GLTP: variants seen among roughly 807,000 people sequenced by gnomAD.
GLTP encodes glycolipid transfer protein.
In GLTP, 22 loss-of-function variants were observed where a neutral mutation model predicts 24.0. That is an observed-to-expected ratio of 0.92 (90% CI 0.65 to 1.31). GLTP has a LOEUF of 1.31. GLTP is among the 50% of genes most tolerant of loss of function. GLTP has a pLI of 0.00. For missense variants in GLTP, 224 were observed against 276.6 expected, an observed-to-expected ratio of 0.81 and a Z score of 1.35; for synonymous variants, 92 against 115.9, an observed-to-expected ratio of 0.79 and a Z score of 1.33.
intron 1 of GLTP, among the ~76,000 whole-genome samples, chr12:109,860,711 G>A (rs1340460799): frequency 6.6e-6 from 1 of 152,110 alleles, no homozygotes; most frequent in Non-Finnish European, 1.5e-5. Flanking sequence ...CATATAATAG[G>A]TAACACCTTG....
At chr12:109,859,009 A>C (rs958264941) in intron 1 of GLTP, among the ~76,000 whole-genome samples, 1 of 152,192 alleles carries the variant, frequency 6.6e-6, no homozygotes, top group Admixed American at 6.5e-5. Flanking sequence ...TCCAATCCTA[A>C]GACACACATT....
chr12:109,877,511 G>A (rs1868925317), intron 1 of GLTP, among the ~76,000 whole-genome samples: 1 of 152,146 alleles, frequency 6.6e-6, no homozygotes, highest in Non-Finnish European at 1.5e-5. Flanking sequence ...TGGGGAGGGG[G>A]TGCTACTGGC....
chr12:109,854,116 G>A (rs1892762778), intron 4 of GLTP, among the ~76,000 whole-genome samples: 1 of 151,796 alleles, frequency 6.6e-6, no homozygotes, highest in South Asian at 2.1e-4. Context: ...CCAGCACTTT[G>A]GGAGGCCGAG....
At chr12:109,865,518 C>G (rs1188807543) in intron 1 of GLTP, among the ~76,000 whole-genome samples, 1 of 151,722 alleles carries the variant, frequency 6.6e-6, no homozygotes, top group Non-Finnish European at 1.5e-5. Context: ...ATCCCAGCTA[C>G]TTGGGAGGGT....
chr12:109,854,231 G>A (rs938930020), intron 4 of GLTP, among the ~76,000 whole-genome samples: 1 of 151,540 alleles, frequency 6.6e-6, no homozygotes, highest in Non-Finnish European at 1.5e-5. Context: ...TTGGTGGCTC[G>A]CACCTGTAGT....
chr12:109,867,503 A>G (rs1689752299), intron 1 of GLTP, among the ~76,000 whole-genome samples: 1 of 152,164 alleles, frequency 6.6e-6, no homozygotes, highest in South Asian at 2.1e-4. Flanking sequence ...AATCTCCTGC[A>G]AAGAGAAGGT....
chr12:109,873,633 C>CAA lies in GLTP; in HGVS notation c.103+6637_103+6638dup, dbSNP rs774803716. Among the ~76,000 whole-genome samples the CAA allele has an allele frequency of 6.4e-3, 333 of 52,366 alleles. 2 individuals carry two copies. Among genetic ancestry groups the CAA allele is most frequent in the African/African-American group, 0.011 (179 of 16,256 alleles). The allele number at this position is 52,366 out of a possible 152,430, so 34.4% of individuals were successfully genotyped here. Reference sequence around the variant, plus strand: ...TGGGCAATAGAGCAAGACTCTGTCTCAAAAAAAAAAAAAAAAAAAAAAAGC... The same window carrying CAA: ...TGGGCAATAGAGCAAGACTCTGTCTCAAAAAAAAAAAAAAAAAAAAAAAAAGC... On this transcript the variant is annotated intron_variant, in intron 1 of 4. Transcript: ENST00000318348.
intron 1 of GLTP, among the ~76,000 whole-genome samples, chr12:109,866,712 G>C (rs774395012): frequency 6.6e-6 from 1 of 151,868 alleles, no homozygotes; most frequent in Non-Finnish European, 1.5e-5. Context: ...AATGACTCTG[G>C]ATGGTGTGCC....
rs1469421757 is a variant in GLTP, at chr12:109,866,183, A to T, written c.104-7442T>A. On this transcript the variant is annotated intron_variant, in intron 1 of 4. Coordinates refer to ENST00000318348, the MANE Select transcript of GLTP (RefSeq NM_016433.4). ...GCTTAATCTCAATAATAACAAAAAA[A>T]AAGTGAAATATTTTCCATCTACCAT... is the stretch of plus-strand genomic sequence containing the variant. 3 of 152,214 alleles carry T rather than the reference A, an allele frequency of 2.0e-5. No homozygotes were observed. In the East Asian group the frequency reaches 5.8e-4, roughly 29 times the overall value. The allele number at this position is 152,214 out of a possible 1,614,324, so 9.4% of individuals were successfully genotyped here.
Position 109,855,873 on chromosome 12 carries a change from G to A in GLTP, c.297-104C>T, listed in dbSNP as rs3782893. 1 of 889,546 alleles carries A rather than the reference G, an allele frequency of 1.1e-6. No homozygotes were observed. Among genetic ancestry groups the A allele is most frequent in the Non-Finnish European group, 1.7e-6 (1 of 603,774 alleles). 55.1% of individuals were successfully genotyped at this position (889,546 alleles called of 1,614,324 possible). On this transcript the variant is annotated intron_variant, in intron 3 of 4. Coordinates refer to ENST00000318348, the MANE Select transcript of GLTP (RefSeq NM_016433.4). This position sits in a 1 kb window ranked among gnomAD's most constrained non-coding sequence, Gnocchi z 4.1. ...CCACCTACTGTGAGCCAGGAACATG[G>A]GCGCCCCAGAGGGAGTGGTTATTCC...
In GLTP at chr12:109,880,160, G is replaced by C; in HGVS notation, c.103+112C>G. The C allele has an allele frequency of 1.6e-6, 1 of 620,966 alleles. No homozygotes were observed. Among genetic ancestry groups the C allele is most frequent in the South Asian group, 1.7e-5 (1 of 59,354 alleles). The allele number at this position is 620,966 out of a possible 1,614,324, so 38.5% of individuals were successfully genotyped here. On this transcript the variant is annotated intron_variant, in intron 1 of 4. Coordinates refer to ENST00000318348, the MANE Select transcript of GLTP (RefSeq NM_016433.4). This position sits in a 1 kb window ranked among gnomAD's most constrained non-coding sequence, Gnocchi z 5.1. ...GGAAAGAGGATCTTGGGTGCCTGGGGAAACAGTACTTAGGGGTGTCTAGGG... is the reference window on the plus strand; with the variant it reads ...GGAAAGAGGATCTTGGGTGCCTGGGCAAACAGTACTTAGGGGTGTCTAGGG...
chr12:109,858,495 T>A (rs536213992), intron 2 of GLTP, among the ~76,000 whole-genome samples, 188 bp downstream of exon 2: 1 of 152,338 alleles, frequency 6.6e-6, no homozygotes, highest in East Asian at 1.9e-4. Context: ...GGTGACCAGA[T>A]GGCAAGACTG....
At chr12:109,861,625 G>A (rs894251075) in intron 1 of GLTP, among the ~76,000 whole-genome samples, 1 of 152,082 alleles carries the variant, frequency 6.6e-6, no homozygotes, top group Non-Finnish European at 1.5e-5. Context: ...GCAGGTGCCT[G>A]TAGTTCCAGC....
intron 1 of GLTP, among the ~76,000 whole-genome samples, chr12:109,871,947 A>G (rs931581399): frequency 1.3e-5 from 2 of 152,224 alleles, no homozygotes; most frequent in Non-Finnish European, 2.9e-5. Context: ...AGGAGGGGCA[A>G]GATGAGTTAG....
chr12:109,879,281 G>C (rs1868984661), intron 1 of GLTP, among the ~76,000 whole-genome samples: 1 of 152,202 alleles, frequency 6.6e-6, no homozygotes, highest in Non-Finnish European at 1.5e-5. Context: ...CAGCAGGACA[G>C]GACAGAGCCC....
At chr12:109,875,010 G>A (rs938470661) in intron 1 of GLTP, among the ~76,000 whole-genome samples, 13 of 152,034 alleles carry the variant, frequency 8.6e-5, no homozygotes, top group African/African-American at 2.7e-4. Flanking sequence ...TGATCTGCCC[G>A]CCTCAGCCTC....
At chr12:109,866,052 G>GA (rs1868518800) in intron 1 of GLTP, among the ~76,000 whole-genome samples, 1 of 151,766 alleles carries the variant, frequency 6.6e-6, no homozygotes, top group Non-Finnish European at 1.5e-5. Context: ...AAGGATAACA[G>GA]AAAAAAGGCT....
chr12:109,854,549 C>G (rs1191004557), intron 4 of GLTP, among the ~76,000 whole-genome samples: 3 of 152,112 alleles, frequency 2.0e-5, no homozygotes, highest in Non-Finnish European at 2.9e-5. Context: ...CACAGCCCCC[C>G]ATTTCTGTGT....
Position 109,855,894 on chromosome 12 carries a change from A to G in GLTP, c.297-125T>C. 1 of 683,306 alleles carries G rather than the reference A, an allele frequency of 1.5e-6. No individual in the cohort carries two copies. The highest frequency in any genetic ancestry group is 2.4e-6 in the Non-Finnish European group (1 of 423,928). The allele number at this position is 683,306 out of a possible 1,614,324, so 42.3% of individuals were successfully genotyped here. ...CATGGGCGCCCCAGAGGGAGTGGTT[A>G]TTCCCTAATCATCTTTCCCTTCTGC... On this transcript the variant is annotated intron_variant, in intron 3 of 4. Coordinates refer to ENST00000318348, the MANE Select transcript of GLTP (RefSeq NM_016433.4). This position sits in a 1 kb window ranked among gnomAD's most constrained non-coding sequence, Gnocchi z 4.1.
Sources: allele counts gnomAD v4.1 joint callset (sites outside exome capture counted in the v4.1 genomes callset), GRCh38; gene constraint gnomAD v4.1.1; non-coding constraint Gnocchi (gnomAD v3.1); transcripts MANE v1.5; gene names NCBI Gene and HGNC (gene_info 2026-07-23, HGNC 2026-07-21).